Variants in UCHL5 observed in about 807,000 individuals in gnomAD.
UCHL5 encodes ubiquitin C-terminal hydrolase L5, also known as ubiquitin carboxyl-terminal hydrolase isozyme L5.
In UCHL5, 34 loss-of-function variants were observed where a neutral mutation model predicts 53.8. That is an observed-to-expected ratio of 0.63 (90% CI 0.48 to 0.84). The LOEUF is 0.84. UCHL5 is among the 40% of genes least tolerant of loss of function. The pLI, the probability that UCHL5 is intolerant of heterozygous loss-of-function variation, is 0.00. For missense variants in UCHL5, 290 were observed against 385.6 expected, an observed-to-expected ratio of 0.75 and a Z score of 2.08; for synonymous variants, 111 against 126.3, an observed-to-expected ratio of 0.88 and a Z score of 0.81.
chr1:193,041,180 C>A (rs747224117), intron 3 of UCHL5, among the ~76,000 whole-genome samples: 1 of 152,070 alleles, frequency 6.6e-6, no homozygotes, highest in African/African-American at 2.4e-5. Context: ...TTTAAGGTGA[C>A]TGATATCCCA....
Position 193,029,411 on chromosome 1 carries a change from T to C in UCHL5, c.411A>G (p.Arg137=). 1 of 1,613,796 alleles carries C rather than the reference T, an allele frequency of 6.2e-7. No individual in the cohort carries two copies. Among genetic ancestry groups the C allele is most frequent in the Non-Finnish European group, 8.5e-7 (1 of 1,179,860 alleles). ...GLALSNSDVI[R]QVHNSFARQQ... ...ACCTGGCGAAACTGTTGTGTACTTG[T>C]CGAATCACATCTGAATTGCTCAGTG... The change falls in exon 5 of 11, where the codon CGA becomes CGG. Residue 137 remains arginine (R), a synonymous_variant. Transcript: ENST00000367454.
At chr1:193,059,604 G>C, upstream of UCHL5, 1 of 1,444,388 alleles carries the variant, frequency 6.9e-7, no homozygotes, top group South Asian at 1.1e-5. This position sits in a 1 kb window ranked among gnomAD's most constrained non-coding sequence, Gnocchi z 4.9. Context: ...CAAAAGAAGA[G>C]GGGCAGGACT....
At chr1:193,036,731 C>T (rs763239754) in intron 3 of UCHL5, among the ~76,000 whole-genome samples, 12 of 151,924 alleles carry the variant, frequency 7.9e-5, no homozygotes, top group Non-Finnish European at 1.6e-4. Flanking sequence ...CGAGGATAGA[C>T]CATGTTAGTC....
At position 193,029,096 on chromosome 1, in the gene UCHL5, T is replaced by C. The variant is rs1660414523; in HGVS notation, c.565+83A>G. ...CTCATAGTCACTTTTACCTTGAAAATTTAAGCAGCACTGAATGAGGGTAAA... is the reference window on the plus strand; with the variant it reads ...CTCATAGTCACTTTTACCTTGAAAACTTAAGCAGCACTGAATGAGGGTAAA... On this transcript the variant is annotated intron_variant, in intron 6 of 10. Transcript: ENST00000367454. 6 of 1,512,176 alleles carry C rather than the reference T, an allele frequency of 4.0e-6. No homozygotes were observed. The East Asian group carries it at 1.4e-4, about 34-fold the overall frequency. 93.7% of individuals were successfully genotyped at this position (1,512,176 alleles called of 1,614,324 possible).
chr1:193,059,268 G>A lies in UCHL5; in HGVS notation c.-8C>T, dbSNP rs902416751. Reference sequence around the variant, plus strand: ...CCCGGCATTGCCCGTCATGGCCCTGGCCACACACCGCCCCGATCCACCTCT... The same window carrying A: ...CCCGGCATTGCCCGTCATGGCCCTGACCACACACCGCCCCGATCCACCTCT... On this transcript the variant is annotated 5_prime_UTR_variant, in exon 1 of 11. Transcript: ENST00000367454. The surrounding 1 kb of genome is among the most constrained non-coding windows in gnomAD (Gnocchi z 4.9). The A allele has an allele frequency of 1.2e-6, 2 of 1,613,824 alleles. No homozygotes were observed. Among genetic ancestry groups the A allele is most frequent in the South Asian group, 1.1e-5 (1 of 91,046 alleles).
intron 3 of UCHL5, among the ~76,000 whole-genome samples, chr1:193,034,885 T>C (rs2102553851): frequency 6.6e-6 from 1 of 151,880 alleles, no homozygotes; most frequent in African/African-American, 2.4e-5. Context: ...TTTGAAAAAA[T>C]TTAATATACT....
intron 1 of UCHL5, among the ~76,000 whole-genome samples, chr1:193,056,883 T>G (rs1203928971): frequency 6.6e-6 from 1 of 152,256 alleles, no homozygotes; most frequent in African/African-American, 2.4e-5. Flanking sequence ...TTTAATTGTT[T>G]GCAGGTTCTT....
Position 193,049,817 on chromosome 1 carries a change from G to A in UCHL5, c.175C>T (p.Gln59Ter). The change falls in exon 3 of 11, where the codon CAG becomes TAG. Residue 59 changes from glutamine (Q) to a stop codon, truncating the protein, a stop_gained. Coordinates refer to ENST00000367454, the MANE Select transcript of UCHL5 (RefSeq NM_001199261.3). LOFTEE classifies it high-confidence loss of function. ...GAGCCTGCTGGTTCTTCTCCTGGCT[G>A]CCACTTGAAAAGAAAAATTAACCCA... is the stretch of plus-strand genomic sequence containing the variant. ...VHGLIFLFKWQPGEEPAGSVV... is the reference protein window; with the variant it reads ...VHGLIFLFKW The A allele has an allele frequency of 6.2e-7, 1 of 1,611,614 alleles. No homozygotes were observed.
intron 7 of UCHL5, among the ~76,000 whole-genome samples, chr1:193,025,982 T>C (rs1366281426): frequency 6.7e-6 from 1 of 149,976 alleles, no homozygotes; most frequent in Non-Finnish European, 1.5e-5. Context: ...AGCCCAGAAA[T>C]AGACCCACAC....
intron 7 of UCHL5, among the ~76,000 whole-genome samples, chr1:193,026,568 T>C (rs953415069): frequency 6.6e-6 from 1 of 152,078 alleles, no homozygotes; most frequent in African/African-American, 2.4e-5. Flanking sequence ...TCTATTAGAA[T>C]GGTTAAACTA....
chr1:193,049,451 T>C, intron 3 of UCHL5: 1 of 205,982 alleles, frequency 4.9e-6, no homozygotes, highest in South Asian at 1.5e-4. Context: ...GGGATCCTCC[T>C]GCCTCGGCCT....
chr1:193,059,611 G>A (rs1371206927), upstream of UCHL5: 3 of 1,434,108 alleles, frequency 2.1e-6, no homozygotes, highest in Admixed American at 1.9e-5. This position sits in a 1 kb window ranked among gnomAD's most constrained non-coding sequence, Gnocchi z 4.9. Flanking sequence ...AGAGGGGCAG[G>A]ACTCGTTCCC....
chr1:193,030,857 T>G (rs1385295309), intron 3 of UCHL5, among the ~76,000 whole-genome samples: 4 of 152,170 alleles, frequency 2.6e-5, no homozygotes, highest in Non-Finnish European at 5.9e-5. Flanking sequence ...GTTCCTGAAC[T>G]GTTGACTGAA....
At chr1:193,027,705 T>G (rs1429605006) in intron 7 of UCHL5, among the ~76,000 whole-genome samples, 5 of 151,602 alleles carry the variant, frequency 3.3e-5, no homozygotes, top group South Asian at 2.1e-4. Context: ...AAAAAGAAAA[T>G]AAAAAATTAT....
In UCHL5 at chr1:193,035,916, T is replaced by C. The variant is rs149847572; in HGVS notation, c.247-6259A>G. On this transcript the variant is annotated intron_variant, in intron 3 of 10. Coordinates refer to ENST00000367454, the MANE Select transcript of UCHL5 (RefSeq NM_001199261.3). The stretch of plus-strand genomic sequence containing the variant: ...TTCTTTTCTTTATAATCTAAGTTGT[T>C]ACCTCTTTATAATAACATGTCATAT... Among the ~76,000 whole-genome samples the C allele has an allele frequency of 3.6e-3, 550 of 152,232 alleles. 3 individuals carry two copies. Among genetic ancestry groups the C allele is most frequent in the African/African-American group, 0.013 (532 of 41,580 alleles).
chr1:193,019,462 A>C (rs548644544), intron 10 of UCHL5, among the ~76,000 whole-genome samples: 1 of 151,736 alleles, frequency 6.6e-6, no homozygotes, highest in Non-Finnish European at 1.5e-5. Flanking sequence ...TAGGAGAATA[A>C]TAGTTATTGC....
At position 193,054,133 on chromosome 1, in the gene UCHL5, G is replaced by A. The variant is rs1449086916; in HGVS notation, c.77-2316C>T. On this transcript the variant is annotated intron_variant, in intron 1 of 10. Transcript: ENST00000367454. ...TTCCAAAGCGAAAGCGGGTGCTAACGTTAAAATGCTTTGAAATATTTATTA... is the reference window on the plus strand; with the variant it reads ...TTCCAAAGCGAAAGCGGGTGCTAACATTAAAATGCTTTGAAATATTTATTA... Among the ~76,000 whole-genome samples, 5 of 151,992 alleles carry A rather than the reference G, an allele frequency of 3.3e-5. No individual in the cohort carries two copies. The South Asian group carries it at 6.2e-4, about 19-fold the overall frequency.
chr1:193,026,924 T>C (rs1383508261), intron 7 of UCHL5, among the ~76,000 whole-genome samples: 2 of 152,080 alleles, frequency 1.3e-5, no homozygotes, highest in Non-Finnish European at 2.9e-5. Flanking sequence ...AATAAAAAAA[T>C]GAACTACTGA....
At chr1:193,059,987 C>T (rs753487995), upstream of UCHL5, 8 of 1,366,150 alleles carry the variant, frequency 5.9e-6, no homozygotes, top group Middle Eastern at 2.1e-4. This position sits in a 1 kb window ranked among gnomAD's most constrained non-coding sequence, Gnocchi z 4.9. Context: ...TCGCTAGGCC[C>T]GGCCGGACCA....
Sources: gnomAD v4.1 joint callset for allele counts (sites outside exome capture counted in the v4.1 genomes callset) on GRCh38, gnomAD v4.1.1 for gene constraint, Gnocchi (gnomAD v3.1) non-coding constraint, MANE v1.5 for transcripts, NCBI Gene and HGNC (gene_info 2026-07-23, HGNC 2026-07-21) for gene names.